Variants in VPS13B observed in about 807,000 individuals in gnomAD.
VPS13B encodes the protein intermembrane lipid transfer protein VPS13B.
A neutral mutation model predicts 426.4 loss-of-function variants in VPS13B; 285 were observed. The ratio of observed to expected loss-of-function variants is 0.67; its 90% CI spans 0.61 to 0.74. VPS13B has a LOEUF of 0.74. Ranked by LOEUF, VPS13B falls within the 30% of genes least tolerant of loss-of-function variation. The pLI is 0.00. For missense variants in VPS13B, 4,537 were observed against 4,782.6 expected, an observed-to-expected ratio of 0.95 and a Z score of 1.51; for synonymous variants, 1,676 against 1,676.4, an observed-to-expected ratio of 1.00 and a Z score of 0.01.
At chr8:99,310,011 G>C (rs957319807) in intron 19 of VPS13B, among the ~76,000 whole-genome samples, 24 of 152,182 alleles carry the variant, frequency 1.6e-4, no homozygotes, top group Admixed American at 2.6e-4. Flanking sequence ...AAGAATGCTT[G>C]TGATTTTTGT....
chr8:99,861,739 C>G (rs780294983), intron 57 of VPS13B, 37 bp from the exon 58 acceptor site: 6 of 1,569,576 alleles, frequency 3.8e-6, no homozygotes, highest in Non-Finnish European at 2.6e-6. Context: ...ATCATGTATG[C>G]GACAAGGAGG....
intron 3 of VPS13B, among the ~76,000 whole-genome samples, chr8:99,077,263 C>T (rs1845182787): frequency 1.3e-5 from 2 of 152,024 alleles, no homozygotes; most frequent in Admixed American, 6.6e-5. Context: ...ACCTCCGCCT[C>T]CCAGGTTCAA....
At chr8:99,721,143 T>C in intron 39 of VPS13B, 96 bp downstream of exon 39, 2 of 1,258,324 alleles carry the variant, frequency 1.6e-6, no homozygotes, top group Non-Finnish European at 2.3e-6. Context: ...CTTCTTACAT[T>C]AATAGTATCA....
intron 23 of VPS13B, among the ~76,000 whole-genome samples, chr8:99,463,876 G>A (rs902236327): frequency 2.0e-5 from 3 of 151,994 alleles, no homozygotes; most frequent in Non-Finnish European, 4.4e-5. Flanking sequence ...TGTATTTTTA[G>A]TAGAGACAGG....
chr8:99,472,852 A>C (rs2133529547), intron 24 of VPS13B, among the ~76,000 whole-genome samples: 1 of 152,196 alleles, frequency 6.6e-6, no homozygotes, highest in Non-Finnish European at 1.5e-5. Context: ...GGAGTTGATA[A>C]CATTAAAAGC....
At chr8:99,434,800 G>T (rs1455911716) in intron 22 of VPS13B, among the ~76,000 whole-genome samples, 1 of 152,106 alleles carries the variant, frequency 6.6e-6, no homozygotes, top group Non-Finnish European at 1.5e-5. Flanking sequence ...CTCTTTTAGG[G>T]ATATCAGCTA....
At chr8:99,126,043 A>G (rs1292751225) in intron 8 of VPS13B, among the ~76,000 whole-genome samples, 2 of 152,062 alleles carry the variant, frequency 1.3e-5, no homozygotes, top group Non-Finnish European at 2.9e-5. Context: ...CTGGAGTAAT[A>G]TTCTTGAGTG....
intron 22 of VPS13B, among the ~76,000 whole-genome samples, chr8:99,442,143 T>A (rs984953248): frequency 1.3e-5 from 2 of 152,128 alleles, no homozygotes; most frequent in African/African-American, 4.8e-5. Flanking sequence ...CAGCACACTT[T>A]CTAACTCAAT....
Position 99,115,708 on chromosome 8 carries a change from T to C in VPS13B, c.771T>C (p.Thr257=). The change falls in exon 7 of 62, where the codon ACT becomes ACC. Residue 257 remains threonine, a synonymous_variant. Transcript: ENST00000357162. ...SKMPSVIKIH[T]LVESLKLSIT... is the part of the protein sequence containing the mutation. ...TCTTTTTCAAAATGCAGATTCATAC[T>C]TTAGTGGAAAGTTTGAAACTTTCTA... The C allele has an allele frequency of 6.2e-7, 1 of 1,612,858 alleles. No individual in the cohort carries two copies. The highest frequency in any genetic ancestry group is 8.5e-7 in the Non-Finnish European group (1 of 1,179,434).
chr8:99,623,994 C>CGT (rs1554877592), intron 33 of VPS13B, among the ~76,000 whole-genome samples: 1 of 53,934 alleles, frequency 1.9e-5, no homozygotes, highest in Admixed American at 3.5e-4. Context: ...ATGAAACATA[C>CGT]ATATATATAT....
intron 19 of VPS13B, among the ~76,000 whole-genome samples, chr8:99,276,198 C>A (rs778504512): frequency 1.3e-5 from 2 of 152,062 alleles, no homozygotes; most frequent in Non-Finnish European, 2.9e-5. Context: ...GGACACAAAA[C>A]ATTTGAAAGA....
intron 30 of VPS13B, among the ~76,000 whole-genome samples, chr8:99,521,933 T>C (rs914283238): frequency 6.6e-6 from 1 of 152,186 alleles, no homozygotes; most frequent in African/African-American, 2.4e-5. Flanking sequence ...GTATGTATGA[T>C]CTCTTCCTTG....
At chr8:99,630,817 T>C (rs1233214557) in intron 33 of VPS13B, among the ~76,000 whole-genome samples, 2 of 152,126 alleles carry the variant, frequency 1.3e-5, no homozygotes, top group African/African-American at 2.4e-5. Flanking sequence ...GGGAGAGACC[T>C]GTGAAAGAAA....
At chr8:99,668,575 C>T (rs1037835275) in intron 35 of VPS13B, among the ~76,000 whole-genome samples, 2 of 151,808 alleles carry the variant, frequency 1.3e-5, no homozygotes, top group Admixed American at 6.6e-5. Flanking sequence ...TTGAGTATTC[C>T]CCTATTTCTT....
At chr8:99,847,661 T>C (rs1456695423) in intron 54 of VPS13B, among the ~76,000 whole-genome samples, 1 of 152,106 alleles carries the variant, frequency 6.6e-6, no homozygotes, top group Non-Finnish European at 1.5e-5. Context: ...AAGGCAGAGA[T>C]GACATCCAGG....
chr8:99,736,149 G>A (rs374395362), intron 39 of VPS13B, among the ~76,000 whole-genome samples: 19 of 152,256 alleles, frequency 1.2e-4, no homozygotes, highest in African/African-American at 4.6e-4. Context: ...AAGAAGTGAG[G>A]AACTAGAAAG....
intron 23 of VPS13B, among the ~76,000 whole-genome samples, chr8:99,466,900 A>G (rs1819137918): frequency 6.6e-6 from 1 of 152,142 alleles, no homozygotes; most frequent in South Asian, 2.1e-4. Context: ...GGTCATTTTC[A>G]GTACCATAGA....
intron 17 of VPS13B, among the ~76,000 whole-genome samples, chr8:99,269,746 T>A (rs767699036): frequency 1.8e-4 from 28 of 152,180 alleles, no homozygotes; most frequent in Admixed American, 6.5e-5. Context: ...CCCTGAGTTG[T>A]ATAATGTCAA....
intron 2 of VPS13B, among the ~76,000 whole-genome samples, chr8:99,036,954 C>T (rs1348358957): frequency 2.0e-5 from 3 of 152,060 alleles, no homozygotes; most frequent in East Asian, 1.9e-4. Flanking sequence ...CTAGATGACT[C>T]GTTTTGGGAA....
Sources: allele counts gnomAD v4.1 joint callset (sites outside exome capture counted in the v4.1 genomes callset), GRCh38; gene constraint gnomAD v4.1.1; transcripts MANE v1.5; gene names NCBI Gene and HGNC (gene_info 2026-07-23, HGNC 2026-07-21).